The following ABLIM2 variants were observed in gnomAD, a reference collection of about 807,000 sequenced individuals.
ABLIM2 encodes actin-binding LIM protein 2.
In ABLIM2, 53 loss-of-function variants were observed where a neutral mutation model predicts 97.7. The observed-to-expected ratio is 0.54, with a 90% confidence interval of 0.44 to 0.68. ABLIM2 has a LOEUF of 0.68. Among genes scored for constraint, ABLIM2 ranks in the 30% least tolerant of loss-of-function variants. The pLI is 0.00. For missense variants in ABLIM2, 835 were observed against 867.2 expected, an observed-to-expected ratio of 0.96 and a Z score of 0.47; for synonymous variants, 361 against 345.8, an observed-to-expected ratio of 1.04 and a Z score of -0.49.
At chr4:7,967,212 T>C in intron 20 of ABLIM2, 109 bp from the exon 21 acceptor site, 1 of 884,586 alleles carries the variant, frequency 1.1e-6, no homozygotes, top group African/African-American at 1.6e-5. Context: ...GCATTGAGGA[T>C]GGGGTGGCCC....
At chr4:8,084,361 G>A (rs926580766) in intron 4 of ABLIM2, among the ~76,000 whole-genome samples, 2 of 152,258 alleles carry the variant, frequency 1.3e-5, no homozygotes, top group South Asian at 4.1e-4. Flanking sequence ...CCCGGGAGCA[G>A]TGGGAGCTCC....
At chr4:8,146,814 G>A (rs1851875691) in intron 1 of ABLIM2, among the ~76,000 whole-genome samples, 1 of 152,012 alleles carries the variant, frequency 6.6e-6, no homozygotes, top group Admixed American at 6.6e-5. Flanking sequence ...ACAGGTGTGA[G>A]CCACCATGCC....
At chr4:8,052,386 C>A (rs549704530) in intron 8 of ABLIM2, among the ~76,000 whole-genome samples, 1 of 152,244 alleles carries the variant, frequency 6.6e-6, no homozygotes, top group Admixed American at 6.5e-5. Flanking sequence ...AGACCCAGCG[C>A]AGCCTCAGGG....
intron 20 of ABLIM2, among the ~76,000 whole-genome samples, chr4:7,978,623 G>A (rs1560370655): frequency 6.6e-6 from 1 of 152,120 alleles, no homozygotes; most frequent in Non-Finnish European, 1.5e-5. Flanking sequence ...ACAGCCCAGA[G>A]GGGACACGCC....
chr4:7,974,714 T>C (rs868156706), intron 20 of ABLIM2, among the ~76,000 whole-genome samples: 10 of 142,672 alleles, frequency 7.0e-5, no homozygotes, highest in East Asian at 4.3e-4. Flanking sequence ...CCCATGCATC[T>C]ATCCACCCAT....
rs979121369 is a variant in ABLIM2, at chr4:8,023,700, G to A, written c.1268-3397C>T. Among the ~76,000 whole-genome samples, 6 of 152,246 alleles carry A rather than the reference G, an allele frequency of 3.9e-5. No homozygotes were observed. The highest frequency in any genetic ancestry group is 9.6e-5 in the African/African-American group (4 of 41,464). On this transcript the variant is annotated intron_variant, in intron 12 of 20. Coordinates refer to ENST00000447017, the MANE Select transcript of ABLIM2 (RefSeq NM_001130083.2). The surrounding 1 kb of genome is among the most constrained non-coding windows in gnomAD (Gnocchi z 5.7). ...GAGTTACGACCCCCTCCTGGAGGAC[G>A]AGGCATCTACTCCCGTTATTTGGAA...
intron 14 of ABLIM2, among the ~76,000 whole-genome samples, chr4:8,013,219 CTTTTTTT>C (rs60424207): frequency 1.4e-4 from 16 of 110,596 alleles, no homozygotes; most frequent in South Asian, 6.3e-4. Flanking sequence ...AACATTTTTC[CTTTTTTT>C]TTTTTTTTTT....
At position 8,062,546 on chromosome 4, in the gene ABLIM2, T is replaced by C. The variant is rs576871235; in HGVS notation, c.676-1492A>G. Among the ~76,000 whole-genome samples the C allele has an allele frequency of 2.0e-5, 3 of 151,874 alleles. No individual in the cohort carries two copies. The East Asian group carries it at 5.8e-4, about 29-fold the overall frequency. ...GCTCTGCCCCCCAGGTTCACACCAT[T>C]CTCCTGCCTCAGCCTCCGAGTAGCT... On this transcript the variant is annotated intron_variant, in intron 6 of 20. Transcript: ENST00000447017.
At chr4:8,064,608 C>T (rs1805753497) in intron 6 of ABLIM2, among the ~76,000 whole-genome samples, 1 of 152,226 alleles carries the variant, frequency 6.6e-6, no homozygotes, top group Non-Finnish European at 1.5e-5. Flanking sequence ...CAGGAGTGAA[C>T]TAACACACGC....
In ABLIM2 at chr4:8,122,741, C is replaced by T. The variant is rs897704601; in HGVS notation, c.11-16104G>A. ...CTTTAGTCCACTTGCCACTTTAGTTCTTTTCATCCTGCACAGCTGGGACCT... is the reference window on the plus strand; with the variant it reads ...CTTTAGTCCACTTGCCACTTTAGTTTTTTTCATCCTGCACAGCTGGGACCT... On this transcript the variant is annotated intron_variant, in intron 1 of 20. Transcript: ENST00000447017. This position sits in a 1 kb window ranked among gnomAD's most constrained non-coding sequence, Gnocchi z 4.1. 6.6e-6 allele frequency among the ~76,000 whole-genome samples: 1 copy of T among 152,192 alleles called. No individual in the cohort carries two copies. Among genetic ancestry groups the T allele is most frequent in the Non-Finnish European group, 1.5e-5 (1 of 68,028 alleles).
rs75669199 is a variant in ABLIM2 at position 8,007,654 on chromosome 4, G to A, written c.1618+405C>T. On this transcript the variant is annotated intron_variant, in intron 16 of 20. Transcript: ENST00000447017. ...AGGATGAGTCACAGGGGACAGGGAT[G>A]GTGCCCATCACCAACTCCAAGTCTG... The A allele has an allele frequency of 4.2e-3, 4,228 of 1,002,254 alleles. 8 individuals carry two copies. The highest frequency in any genetic ancestry group is 4.9e-3 in the Non-Finnish European group (4,099 of 841,000). 62.1% of individuals were successfully genotyped at this position (1,002,254 alleles called of 1,614,324 possible).
chr4:8,030,960 T>A (rs751092263), intron 10 of ABLIM2, among the ~76,000 whole-genome samples: 13 of 152,186 alleles, frequency 8.5e-5, no homozygotes, highest in Non-Finnish European at 1.9e-4. Context: ...CCTGTTCCTC[T>A]ACCATCCCCC....
At position 8,032,894 on chromosome 4, in the gene ABLIM2, C is replaced by A. The variant is rs1481634821; in HGVS notation, c.1048-3118G>T. On this transcript the variant is annotated intron_variant, in intron 10 of 20. Coordinates refer to ENST00000447017, the MANE Select transcript of ABLIM2 (RefSeq NM_001130083.2). The surrounding 1 kb of genome is among the most constrained non-coding windows in gnomAD (Gnocchi z 4.3). ...GGTTAATTCTTCCCAGAGAAAGAGG[C>A]CCCCGGGGAAACTGATTTCGTGCCA... is the stretch of plus-strand genomic sequence containing the variant. 1.3e-5 allele frequency among the ~76,000 whole-genome samples: 2 copies of A among 152,134 alleles called. No individual in the cohort carries two copies. Among genetic ancestry groups the A allele is most frequent in the Non-Finnish European group, 1.5e-5 (1 of 68,014 alleles).
intron 20 of ABLIM2, among the ~76,000 whole-genome samples, chr4:7,981,064 C>A (rs972429127): frequency 2.0e-4 from 31 of 151,556 alleles, no homozygotes; most frequent in Non-Finnish European, 4.4e-5. Context: ...CTGCCTTAGC[C>A]TCCCAAGTAG....
chr4:8,158,170 C>T (rs1353324822), intron 1 of ABLIM2, among the ~76,000 whole-genome samples: 3 of 152,202 alleles, frequency 2.0e-5, no homozygotes, highest in Non-Finnish European at 4.4e-5. Flanking sequence ...GGCTCCGGGT[C>T]CCCAGATCTG....
Position 8,029,687 on chromosome 4 carries a change from G to A in ABLIM2, c.1137C>T (p.Thr379=). The change falls in exon 11 of 21, where the codon ACC becomes ACT. Residue 379 remains threonine, a synonymous_variant. Coordinates refer to ENST00000447017, the MANE Select transcript of ABLIM2 (RefSeq NM_001130083.2). ...GGCTGTAGTGCTGTGGTGACCGTGA[G>A]GTCGGAGTGTAGCGCCCGAGGCTAA... ...GSVSLGRYTP[T]SRSPQHYSRP... is the part of the protein sequence containing the mutation. The A allele has an allele frequency of 6.4e-7, 1 of 1,550,938 alleles. No individual in the cohort carries two copies. Among genetic ancestry groups the A allele is most frequent in the Non-Finnish European group, 8.7e-7 (1 of 1,147,096 alleles).
intron 5 of ABLIM2, among the ~76,000 whole-genome samples, chr4:8,079,018 T>C (rs532761648): frequency 6.6e-6 from 1 of 152,360 alleles, no homozygotes; most frequent in East Asian, 1.9e-4. Context: ...CCAGCTCACG[T>C]TCTTTTCCTC....
In ABLIM2 at chr4:7,998,686, A is replaced by T. The variant is rs1195081307; in HGVS notation, c.1619-5759T>A. The T allele has an allele frequency of 2.0e-6, 1 of 504,012 alleles. No individual in the cohort carries two copies. Among genetic ancestry groups the T allele is most frequent in the African/African-American group, 2.0e-5 (1 of 49,678 alleles). 31.2% of individuals were successfully genotyped at this position (504,012 alleles called of 1,614,324 possible). A position where few individuals can be genotyped will look rare whatever the true frequency, so the allele number is the denominator to read the frequency against. On this transcript the variant is annotated intron_variant, in intron 16 of 20. Coordinates refer to ENST00000447017, the MANE Select transcript of ABLIM2 (RefSeq NM_001130083.2). The surrounding 1 kb of genome is among the most constrained non-coding windows in gnomAD (Gnocchi z 6.4). ...TTTTGCCACCACATGGGAGGCTGGG[A>T]GTCTGCAGGTCTGGGCCACCTCCTG... is the stretch of plus-strand genomic sequence containing the variant.
chr4:8,036,565 T>C (rs934559860), intron 9 of ABLIM2, among the ~76,000 whole-genome samples: 4 of 152,102 alleles, frequency 2.6e-5, no homozygotes, highest in Non-Finnish European at 5.9e-5. Flanking sequence ...ATAGGTGAAA[T>C]GGGGACGGGG....
Sources: gnomAD v4.1 joint callset for allele counts (sites outside exome capture counted in the v4.1 genomes callset) on GRCh38, gnomAD v4.1.1 for gene constraint, Gnocchi (gnomAD v3.1) non-coding constraint, MANE v1.5 for transcripts, NCBI Gene and HGNC (gene_info 2026-07-23, HGNC 2026-07-21) for gene names.